PRKCE: variants seen among roughly 807,000 people sequenced by gnomAD.
The protein encoded by PRKCE is protein kinase C epsilon.
PRKCE carries 16 observed loss-of-function variants against 85.4 expected under a neutral mutation model. The ratio of observed to expected loss-of-function variants is 0.19; its 90% CI spans 0.13 to 0.28. The LOEUF is 0.28. Ranked by LOEUF, PRKCE falls within the 10% of genes least tolerant of loss-of-function variation. The probability of loss-of-function intolerance (pLI) is 1.00; values close to 1 mark genes in which losing one functional copy is unlikely to be tolerated. For synonymous variants in PRKCE, 388 were observed against 371.5 expected, an observed-to-expected ratio of 1.04 and a Z score of -0.51; for missense variants, 573 against 975.2, an observed-to-expected ratio of 0.59 and a Z score of 5.49.
chr2:45,871,951 T>C (rs1040003706), intron 2 of PRKCE, among the ~76,000 whole-genome samples: 4 of 152,124 alleles, frequency 2.6e-5, no homozygotes, highest in African/African-American at 9.7e-5. Flanking sequence ...TCCACAAGTA[T>C]ACTGAGGACG....
At chr2:46,062,474 C>A (rs1667237317) in intron 10 of PRKCE, among the ~76,000 whole-genome samples, 1 of 151,958 alleles carries the variant, frequency 6.6e-6, no homozygotes, top group African/African-American at 2.4e-5. Context: ...ATTCTAAAAC[C>A]ATCCCCGGGG....
At chr2:45,772,124 G>A (rs1020401209) in intron 1 of PRKCE, among the ~76,000 whole-genome samples, 14 of 97,292 alleles carry the variant, frequency 1.4e-4, no homozygotes, top group African/African-American at 3.7e-4. Flanking sequence ...TAGGTAGTCC[G>A]AGTGCAGCCA....
At chr2:46,023,162 C>T (rs1171831604) in intron 10 of PRKCE, among the ~76,000 whole-genome samples, 2 of 150,136 alleles carry the variant, frequency 1.3e-5, no homozygotes, top group Non-Finnish European at 3.0e-5. Context: ...TCATGTTTCT[C>T]TTTGCCTAGA....
At chr2:45,656,761 C>G (rs536839456) in intron 1 of PRKCE, among the ~76,000 whole-genome samples, 1 of 152,338 alleles carries the variant, frequency 6.6e-6, no homozygotes, top group African/African-American at 2.4e-5. Flanking sequence ...CCCAGAGATT[C>G]TGACCAGACC....
At chr2:45,799,238 T>C (rs1235429092) in intron 1 of PRKCE, among the ~76,000 whole-genome samples, 2 of 152,136 alleles carry the variant, frequency 1.3e-5, no homozygotes, top group Admixed American at 1.3e-4. Context: ...TTTCAGCTCC[T>C]TTTTTCTGAG....
chr2:45,724,849 T>G (rs1680920660), intron 1 of PRKCE, among the ~76,000 whole-genome samples: 2 of 152,214 alleles, frequency 1.3e-5, no homozygotes. Context: ...GAGGCTAGTT[T>G]ATGACGTTTA....
chr2:46,155,643 T>C lies in PRKCE; in HGVS notation c.1921-3963T>C, dbSNP rs754523006. ...TCTGGATGGTCCCCCTCAAATCTGCTCACTCTCAAATTCCTTGGTTCAGTA... is the reference window on the plus strand; with the variant it reads ...TCTGGATGGTCCCCCTCAAATCTGCCCACTCTCAAATTCCTTGGTTCAGTA... On this transcript the variant is annotated intron_variant, in intron 13 of 14. Coordinates refer to ENST00000306156, the MANE Select transcript of PRKCE (RefSeq NM_005400.3). The surrounding 1 kb of genome is among the most constrained non-coding windows in gnomAD (Gnocchi z 4.7). 7.9e-5 allele frequency among the ~76,000 whole-genome samples: 12 copies of C among 152,274 alleles called. No homozygotes were observed. The Middle Eastern group carries it at 0.014, about 173-fold the overall frequency.
intron 1 of PRKCE, among the ~76,000 whole-genome samples, chr2:45,793,860 G>A (rs143933362): frequency 7.6e-4 from 116 of 152,302 alleles, no homozygotes; most frequent in African/African-American, 2.7e-3. Flanking sequence ...CTGTTACATA[G>A]CCAGGAACAA....
intron 1 of PRKCE, among the ~76,000 whole-genome samples, chr2:45,823,979 C>T (rs1689740422): frequency 6.6e-6 from 1 of 152,252 alleles, no homozygotes; most frequent in Admixed American, 6.5e-5. Flanking sequence ...TGCTCACTGG[C>T]TCACTGGCTT....
At chr2:46,097,511 C>T (rs1455070307) in intron 11 of PRKCE, among the ~76,000 whole-genome samples, 2 of 101,978 alleles carry the variant, frequency 2.0e-5, no homozygotes, top group African/African-American at 6.5e-5. Flanking sequence ...CAGAGCGAGA[C>T]TCCGTCTCAA....
At chr2:46,105,184 A>T (rs943265895) in intron 11 of PRKCE, among the ~76,000 whole-genome samples, 1 of 151,932 alleles carries the variant, frequency 6.6e-6, no homozygotes, top group African/African-American at 2.4e-5. Context: ...TTTTAAGACA[A>T]ATTTTTTTCT....
chr2:45,833,940 A>T (rs1459664580), intron 1 of PRKCE, among the ~76,000 whole-genome samples: 1 of 152,212 alleles, frequency 6.6e-6, no homozygotes, highest in Non-Finnish European at 1.5e-5. Flanking sequence ...TGAGCAGATG[A>T]TGCTCTGTAC....
At chr2:45,804,185 G>A (rs543714033) in intron 1 of PRKCE, among the ~76,000 whole-genome samples, 89 of 152,308 alleles carry the variant, frequency 5.8e-4, no homozygotes, top group African/African-American at 2.0e-3. Flanking sequence ...ACAGCCAGTG[G>A]GAGCAAACCC....
At chr2:45,901,952 A>G (rs1252580077) in intron 2 of PRKCE, among the ~76,000 whole-genome samples, 1 of 152,236 alleles carries the variant, frequency 6.6e-6, no homozygotes. Flanking sequence ...GTACATGGCC[A>G]TCTTTGCCTT....
rs554949812 is a variant in PRKCE at position 45,681,035 on chromosome 2, A to G, written c.348+28587A>G. 2.2e-4 allele frequency among the ~76,000 whole-genome samples: 33 copies of G among 152,268 alleles called. No individual in the cohort carries two copies. In the South Asian group the frequency reaches 3.7e-3, roughly 17 times the overall value. ...GCTGAGTGCGGTGGCGCACGCCTGT[A>G]ATCCCAGCACTTTGGGAGGCCGAGG... On this transcript the variant is annotated intron_variant, in intron 1 of 14. Transcript: ENST00000306156.
chr2:45,992,546 G>T (rs918420232), intron 6 of PRKCE, among the ~76,000 whole-genome samples: 2 of 152,258 alleles, frequency 1.3e-5, no homozygotes, highest in South Asian at 4.1e-4. Flanking sequence ...GCAAATATTT[G>T]CTCTCTGTCT....
chr2:46,076,636 C>T (rs777808316), intron 10 of PRKCE, among the ~76,000 whole-genome samples: 30 of 152,066 alleles, frequency 2.0e-4, no homozygotes, highest in Non-Finnish European at 2.6e-4. Flanking sequence ...CTTTCTCAAC[C>T]AGCAGACTAT....
chr2:46,178,373 G>C (rs1679645299), intron 14 of PRKCE, among the ~76,000 whole-genome samples: 1 of 152,208 alleles, frequency 6.6e-6, no homozygotes, highest in Non-Finnish European at 1.5e-5. Flanking sequence ...AAATCCAAAA[G>C]TATGAACATT....
At chr2:46,086,701 T>C (rs774924142) in intron 11 of PRKCE, among the ~76,000 whole-genome samples, 1 of 152,196 alleles carries the variant, frequency 6.6e-6, no homozygotes, top group Non-Finnish European at 1.5e-5. Context: ...GCATTCTCTT[T>C]ACGTGTTTCT....
Sources: gnomAD v4.1 joint callset for allele counts (sites outside exome capture counted in the v4.1 genomes callset) on GRCh38, gnomAD v4.1.1 for gene constraint, Gnocchi (gnomAD v3.1) non-coding constraint, MANE v1.5 for transcripts, NCBI Gene and HGNC (gene_info 2026-07-23, HGNC 2026-07-21) for gene names.